IQGAP2: variants seen among roughly 807,000 people sequenced by gnomAD.
The protein encoded by IQGAP2 is IQ motif containing GTPase activating protein 2.
Under a neutral mutation model 201.3 loss-of-function variants are expected in IQGAP2, and 173 were observed. The observed-to-expected ratio is 0.86, with a 90% CI of 0.76 to 0.98. IQGAP2 has a LOEUF of 0.98. Among genes scored for constraint, IQGAP2 ranks in the 50% least tolerant of loss-of-function variants. IQGAP2 has a pLI of 0.00. For missense variants in IQGAP2, 1,687 were observed against 1,864.8 expected (o/e 0.90, Z 1.76); for synonymous variants, 675 against 673.9 (o/e 1.00, Z -0.03).
chr5:76,417,145 G>A (rs1359627290), intron 1 of IQGAP2, among the ~76,000 whole-genome samples: 1 of 152,196 alleles, frequency 6.6e-6, no homozygotes, highest in Admixed American at 6.5e-5. Flanking sequence ...GTTCAAGTGT[G>A]TGTGTGTGTC....
intron 15 of IQGAP2, among the ~76,000 whole-genome samples, chr5:76,636,590 G>T (rs1027010424): frequency 6.6e-6 from 1 of 152,180 alleles, no homozygotes; most frequent in Non-Finnish European, 1.5e-5. Context: ...CCGAACATTG[G>T]CCGTCCTTAA....
chr5:76,610,169 G>A (rs1748251326), intron 12 of IQGAP2, among the ~76,000 whole-genome samples: 2 of 100,888 alleles, frequency 2.0e-5, no homozygotes, highest in African/African-American at 7.9e-5. Context: ...GTCTTACTCT[G>A]TCACCCAGGC....
intron 9 of IQGAP2, among the ~76,000 whole-genome samples, chr5:76,596,447 T>C (rs1447120013): frequency 6.6e-6 from 1 of 152,226 alleles, no homozygotes; most frequent in Non-Finnish European, 1.5e-5. Flanking sequence ...AGCATCTCAG[T>C]TTGGTAACCA....
chr5:76,526,215 A>G (rs142113135), intron 2 of IQGAP2, among the ~76,000 whole-genome samples: 114 of 152,334 alleles, frequency 7.5e-4, no homozygotes, highest in Non-Finnish European at 1.5e-3. Flanking sequence ...GTGGAAAGGC[A>G]TAGGAAGATC....
chr5:76,614,217 C>T (rs6453234), intron 13 of IQGAP2, among the ~76,000 whole-genome samples: 13 of 151,944 alleles, frequency 8.6e-5, no homozygotes, highest in Non-Finnish European at 1.5e-4. Flanking sequence ...ACTCCACAGG[C>T]GTCCTTTGAA....
rs189428285 is a variant in IQGAP2 at position 76,457,154 on chromosome 5, T to C, written c.47-4416T>C. Among the ~76,000 whole-genome samples, 296 of 152,076 alleles carry C rather than the reference T, an allele frequency of 1.9e-3. 2 individuals are homozygous for C. The highest frequency in any genetic ancestry group is 6.8e-3 in the African/African-American group (284 of 41,508). On this transcript the variant is annotated intron_variant, in intron 1 of 35. Coordinates refer to ENST00000274364, the MANE Select transcript of IQGAP2 (RefSeq NM_006633.5). ...GGCTTGCACCACCACACTCAGCCAA[T>C]TTTTTGTATTTTTTTGTAGAGATGG...
chr5:76,697,872 C>T, intron 32 of IQGAP2, 115 bp from the exon 33 acceptor site: 1 of 705,518 alleles, frequency 1.4e-6, no homozygotes, highest in Non-Finnish European at 2.3e-6. Flanking sequence ...AGATAAGCTA[C>T]AAGTCAAGTT....
chr5:76,671,711 C>T, intron 23 of IQGAP2, 48 bp from the exon 24 acceptor site: 22 of 1,051,244 alleles, frequency 2.1e-5, no homozygotes, highest in Admixed American at 6.9e-5. Flanking sequence ...AAAAAAAAAT[C>T]TGTATCCATG....
intron 2 of IQGAP2, among the ~76,000 whole-genome samples, chr5:76,532,163 T>C (rs1759337371): frequency 6.6e-6 from 1 of 152,230 alleles, no homozygotes; most frequent in South Asian, 2.1e-4. Context: ...TTTGTAATCA[T>C]TTTCTGTGTG....
In IQGAP2 at chr5:76,641,048, T is replaced by G. The variant is rs148549280; in HGVS notation, c.2039T>G (p.Phe680Cys). The G allele has an allele frequency of 6.2e-6, 10 of 1,609,594 alleles. No individual in the cohort carries two copies. The highest frequency in any genetic ancestry group is 7.7e-6 in the Non-Finnish European group (9 of 1,176,334). The change falls in exon 17 of 36, where the codon TTT becomes TGT. Residue 680 changes from phenylalanine (F) to cysteine (C), a missense_variant. By Grantham distance (205) the Phe-to-Cys change is radical. Coordinates refer to ENST00000274364, the MANE Select transcript of IQGAP2 (RefSeq NM_006633.5). Reference sequence around the variant, plus strand: ...TCAGGACCCATCCTTAGGGAAGAGTTTGAAGCTAGAAAATCATTTTTGCAT... The same window carrying G: ...TCAGGACCCATCCTTAGGGAAGAGTGTGAAGCTAGAAAATCATTTTTGCAT... The part of the protein sequence containing the change: ...TSSGPILREE[F>C]EARKSFLHEQ...
intron 17 of IQGAP2, 32 bp from the exon 18 acceptor site, chr5:76,652,718 T>C (rs767754684): frequency 1.4e-6 from 2 of 1,463,642 alleles, no homozygotes; most frequent in South Asian, 2.3e-5. Flanking sequence ...AACTTGCTGG[T>C]AAATAATTCT....
chr5:76,470,980 G>C (rs1452685045), intron 2 of IQGAP2, among the ~76,000 whole-genome samples: 1 of 152,170 alleles, frequency 6.6e-6, no homozygotes, highest in Non-Finnish European at 1.5e-5. Context: ...AATTAGTACT[G>C]CTGAGTAGAT....
At chr5:76,688,681 C>A (rs1227550322) in intron 30 of IQGAP2, among the ~76,000 whole-genome samples, 2 of 152,058 alleles carry the variant, frequency 1.3e-5, no homozygotes, top group African/African-American at 4.8e-5. Context: ...GATAAAAAAT[C>A]TGAAACACTT....
At chr5:76,618,059 C>T (rs1408897690) in intron 13 of IQGAP2, 1 of 1,614,004 alleles carries the variant, frequency 6.2e-7, no homozygotes, top group Admixed American at 1.7e-5. Flanking sequence ...TTGCCCACAC[C>T]AGTCCACATG....
At chr5:76,445,176 A>G (rs370397527) in intron 1 of IQGAP2, among the ~76,000 whole-genome samples, 2 of 152,150 alleles carry the variant, frequency 1.3e-5, no homozygotes, top group Non-Finnish European at 2.9e-5. Context: ...TGATTGGCCA[A>G]TCCCACAGGT....
intron 1 of IQGAP2, among the ~76,000 whole-genome samples, chr5:76,445,871 C>T (rs906872536): frequency 6.6e-6 from 1 of 152,162 alleles, no homozygotes. Context: ...CCCCCAGCAA[C>T]CTCTATTCTA....
rs1561416461 is a variant in IQGAP2, at chr5:76,496,755, T to TTC, written c.146+35088_146+35089dup. Among the ~76,000 whole-genome samples the TTC allele has an allele frequency of 5.0e-5, 4 of 80,214 alleles. 1 individual carries two copies. Among genetic ancestry groups the TTC allele is most frequent in the African/African-American group, 2.2e-4 (4 of 17,892 alleles). 52.6% of individuals were successfully genotyped at this position (80,214 alleles called of 152,430 possible). On this transcript the variant is annotated intron_variant, in intron 2 of 35. Transcript: ENST00000274364. Reference sequence around the variant, plus strand: ...TTTCTTTCTTTCTTTCTTTCTTTCTTTCTTTCTTTCTTTCTTTCTTTCTTT... The same window carrying TTC: ...TTTCTTTCTTTCTTTCTTTCTTTCTTTCTCTTTCTTTCTTTCTTTCTTTCTTT...
At chr5:76,661,051 T>C (rs141459690) in intron 21 of IQGAP2, among the ~76,000 whole-genome samples, 2,033 of 152,272 alleles carry the variant, frequency 0.013, 44 homozygotes, top group African/African-American at 0.046. Flanking sequence ...AGAAAGAAGT[T>C]AAGTGATTTT....
At chr5:76,454,572 T>C (rs1370989495) in intron 1 of IQGAP2, among the ~76,000 whole-genome samples, 2 of 151,966 alleles carry the variant, frequency 1.3e-5, no homozygotes, top group Non-Finnish European at 2.9e-5. Context: ...AATAGTTTGC[T>C]GAGAATGATG....
Sources: allele counts gnomAD v4.1 joint callset (sites outside exome capture counted in the v4.1 genomes callset), GRCh38; gene constraint gnomAD v4.1.1; transcripts MANE v1.5; gene names NCBI Gene and HGNC (gene_info 2026-07-23, HGNC 2026-07-21).